CACNB2: variants seen among roughly 807,000 people sequenced by gnomAD.
The protein encoded by CACNB2 is voltage-dependent L-type calcium channel subunit beta-2.
Under a neutral mutation model 73.3 loss-of-function variants are expected in CACNB2, and 42 were observed. The ratio of observed to expected loss-of-function variants is 0.57; its 90% CI spans 0.45 to 0.74. The LOEUF (loss-of-function observed/expected upper bound fraction) is 0.74. Ranked by LOEUF, CACNB2 falls within the 30% of genes least tolerant of loss-of-function variation. CACNB2 has a pLI of 0.00. For synonymous variants in CACNB2, 348 were observed against 310.3 expected, an observed-to-expected ratio of 1.12 and a Z score of -1.28; for missense variants, 940 against 853.0, an observed-to-expected ratio of 1.10 and a Z score of -1.27.
At position 18,162,978 on chromosome 10, in the gene CACNB2, G is replaced by T. The variant is rs534648227; in HGVS notation, c.213+12003G>T. Among the ~76,000 whole-genome samples, 15 of 152,232 alleles carry T rather than the reference G, an allele frequency of 9.9e-5. No homozygotes were observed. In the East Asian group the frequency reaches 2.7e-3, roughly 28 times the overall value. On this transcript the variant is annotated intron_variant, in intron 2 of 13. Transcript: ENST00000324631. ...CATGGAGAAATGGATAGAAGAGATCGATGGATGGGTGCATGGAGTTTGGAA... is the reference window on the plus strand; with the variant it reads ...CATGGAGAAATGGATAGAAGAGATCTATGGATGGGTGCATGGAGTTTGGAA...
intron 2 of CACNB2, among the ~76,000 whole-genome samples, chr10:18,267,746 G>A (rs2037875393): frequency 6.6e-6 from 1 of 152,232 alleles, no homozygotes; most frequent in African/African-American, 2.4e-5. Context: ...GTTGGTGCAT[G>A]TTCAGGGTCA....
At chr10:18,459,283 C>T (rs2047442048) in intron 3 of CACNB2, among the ~76,000 whole-genome samples, 1 of 152,162 alleles carries the variant, frequency 6.6e-6, no homozygotes, top group Non-Finnish European at 1.5e-5. Flanking sequence ...GTCATTTGCC[C>T]CTCCCAGCTA....
rs1250909743 is a variant in CACNB2 at position 18,541,249 on chromosome 10, C to T, written c.*1525C>T. 6.6e-6 allele frequency: 1 copy of T among 152,590 alleles called. No homozygotes were observed. Among genetic ancestry groups the T allele is most frequent in the East Asian group, 1.9e-4 (1 of 5,192 alleles). 9.5% of individuals were successfully genotyped at this position (152,590 alleles called of 1,614,324 possible). On this transcript the variant is annotated 3_prime_UTR_variant, in exon 14 of 14. Coordinates refer to ENST00000324631, the MANE Select transcript of CACNB2 (RefSeq NM_201596.3). ...GCTTCTTATAACCAAAGTTTCTGTT[C>T]TTCAGAAGAAATCAGGGCAAAATGG... is the stretch of plus-strand genomic sequence containing the variant.
At chr10:18,437,468 T>C (rs2046196151) in intron 3 of CACNB2, among the ~76,000 whole-genome samples, 1 of 152,220 alleles carries the variant, frequency 6.6e-6, no homozygotes, top group Non-Finnish European at 1.5e-5. Context: ...ACACATATTT[T>C]GTGTGTTATA....
chr10:18,322,109 T>C (rs1589038133), intron 2 of CACNB2, among the ~76,000 whole-genome samples: 1 of 152,132 alleles, frequency 6.6e-6, no homozygotes, highest in East Asian at 1.9e-4. Context: ...TGAGCTATGA[T>C]CGTACCACTC....
At chr10:18,388,804 ACTTTT>A (rs940076469) in intron 2 of CACNB2, among the ~76,000 whole-genome samples, 4 of 150,572 alleles carry the variant, frequency 2.7e-5, no homozygotes, top group African/African-American at 7.3e-5. Flanking sequence ...ATGTCTAAGT[ACTTTT>A]CTTTTAATTA....
intron 2 of CACNB2, among the ~76,000 whole-genome samples, chr10:18,271,632 C>T (rs1244524993): frequency 2.0e-5 from 3 of 152,070 alleles, no homozygotes; most frequent in Non-Finnish European, 4.4e-5. Flanking sequence ...CCTTCCTTCT[C>T]CCGGTGGCAG....
intron 2 of CACNB2, among the ~76,000 whole-genome samples, chr10:18,271,229 TC>T: frequency 6.6e-6 from 1 of 152,324 alleles, no homozygotes; most frequent in East Asian, 1.9e-4. Flanking sequence ...TGTAATCATT[TC>T]CTCTTTTGGC....
At chr10:18,275,232 G>C (rs568739759) in intron 2 of CACNB2, among the ~76,000 whole-genome samples, 20 of 152,314 alleles carry the variant, frequency 1.3e-4, no homozygotes, top group Non-Finnish European at 2.5e-4. Context: ...TCCAGCTATA[G>C]ACTTTCGTTT....
intron 3 of CACNB2, among the ~76,000 whole-genome samples, chr10:18,409,137 A>T (rs1224692520): frequency 5.3e-5 from 8 of 152,134 alleles, no homozygotes; most frequent in Non-Finnish European, 8.8e-5. Context: ...TTTCTACTAA[A>T]AATACAAAAA....
chr10:18,304,743 G>C (rs2039662166), intron 2 of CACNB2, among the ~76,000 whole-genome samples: 1 of 152,190 alleles, frequency 6.6e-6, no homozygotes. Context: ...AAGAATGTTA[G>C]CTCGATGCTA....
chr10:18,283,126 A>T (rs149199408), intron 2 of CACNB2, among the ~76,000 whole-genome samples: 2 of 152,350 alleles, frequency 1.3e-5, no homozygotes, highest in African/African-American at 4.8e-5. Context: ...ATGAGATACT[A>T]TCTCACACCA....
At chr10:18,480,048 G>A (rs540648322) in intron 3 of CACNB2, among the ~76,000 whole-genome samples, 1 of 152,232 alleles carries the variant, frequency 6.6e-6, no homozygotes, top group Non-Finnish European at 1.5e-5. Context: ...TCAAAGGAAA[G>A]CGAGTTATGA....
chr10:18,450,809 C>T (rs1427568393), intron 3 of CACNB2, among the ~76,000 whole-genome samples: 1 of 151,796 alleles, frequency 6.6e-6, no homozygotes, highest in South Asian at 2.1e-4. Context: ...CTGTTGTTGT[C>T]ATATTTTTAG....
intron 2 of CACNB2, among the ~76,000 whole-genome samples, chr10:18,330,021 A>G (rs1201066080): frequency 2.0e-5 from 3 of 152,002 alleles, no homozygotes; most frequent in South Asian, 2.1e-4. Context: ...TTATATTTTT[A>G]GTAGAGACTA....
intron 3 of CACNB2, among the ~76,000 whole-genome samples, chr10:18,442,212 C>T (rs577550075): frequency 7.2e-5 from 11 of 152,022 alleles, no homozygotes; most frequent in South Asian, 2.1e-4. Flanking sequence ...GACAATGGCG[C>T]GATCTCTACT....
intron 2 of CACNB2, among the ~76,000 whole-genome samples, chr10:18,297,521 G>A (rs1353362885): frequency 6.6e-6 from 1 of 152,170 alleles, no homozygotes. Context: ...TCATGACACT[G>A]CATTCCGGCC....
At chr10:18,227,962 G>A (rs184991237) in intron 2 of CACNB2, among the ~76,000 whole-genome samples, 101 of 152,250 alleles carry the variant, frequency 6.6e-4, no homozygotes, top group Non-Finnish European at 1.3e-3. Flanking sequence ...GAAGATGCTA[G>A]TGCTGTCTTC....
rs1564637837 is a variant in CACNB2 at position 18,514,387 on chromosome 10, G to GCTC, written c.804+20_804+22dup. On this transcript the variant is annotated intron_variant, in intron 7 of 13. Transcript: ENST00000324631. ...TTAAGAAGGTAACATTAACTTCCAA[G>GCTC]CTCCCATTGTCCACCTGCTCAACTG... The GCTC allele has an allele frequency of 3.1e-6, 5 of 1,614,046 alleles. No homozygotes were observed. Among genetic ancestry groups the GCTC allele is most frequent in the Non-Finnish European group, 4.2e-6 (5 of 1,180,012 alleles).
Sources: allele counts gnomAD v4.1 joint callset (sites outside exome capture counted in the v4.1 genomes callset), GRCh38; gene constraint gnomAD v4.1.1; transcripts MANE v1.5; gene names NCBI Gene and HGNC (gene_info 2026-07-23, HGNC 2026-07-21).